Variants in MROH6 observed in about 807,000 individuals in gnomAD.
MROH6 encodes maestro heat-like repeat-containing protein family member 6.
Under a neutral mutation model 67.7 loss-of-function variants are expected in MROH6, and 62 were observed. The ratio of observed to expected loss-of-function variants is 0.92; its 90% CI spans 0.75 to 1.13. The LOEUF is 1.13. Ranked by LOEUF, MROH6 falls within the 50% of genes most tolerant of loss-of-function variation. The pLI is 0.00. For missense variants in MROH6, 1,175 were observed against 1,029.1 expected (o/e 1.14, Z -1.94); for synonymous variants, 566 against 470.8 (o/e 1.20, Z -2.62).
chr8:143,568,786 C>G lies in MROH6; in HGVS notation c.1477-67G>C, dbSNP rs1823796543. The G allele has an allele frequency of 2.4e-6, 3 of 1,249,628 alleles. No homozygotes were observed. In the Admixed American group the frequency reaches 8.8e-5, roughly 37 times the overall value. The allele number at this position is 1,249,628 out of a possible 1,614,324, so 77.4% of individuals were successfully genotyped here. ...GGGCTGCAAGGGTGGGAGGGGGCGG[C>G]CAGCGCGGAGCGAGGAAGCGGCGGG... On this transcript the variant is annotated intron_variant, in intron 9 of 13. Transcript: ENST00000398882.
At chr8:143,569,658 C>T (rs1269595362) in intron 8 of MROH6, 39 bp downstream of exon 8, 6 of 1,599,020 alleles carry the variant, frequency 3.8e-6, no homozygotes, top group Non-Finnish European at 5.1e-6. Flanking sequence ...TCGCCGCGAC[C>T]GGGCCAAGCC....
chr8:143,569,566 C>T lies in MROH6; in HGVS notation c.1351G>A (p.Glu451Lys), dbSNP rs1050408517. Reference sequence around the variant, plus strand: ...GCACCCACGAGCCGCGCGTCGCCTTCGCCCAGTGCGCCCAGGAGCGCCGGC... The same window carrying T: ...GCACCCACGAGCCGCGCGTCGCCTTTGCCCAGTGCGCCCAGGAGCGCCGGC... ...LLPALLGALG[E>K]GDARLVGAAL... The change falls in exon 9 of 14, where the codon GAA becomes AAA. Residue 451 changes from glutamate to lysine, a missense_variant. Transcript: ENST00000398882. The T allele has an allele frequency of 5.2e-6, 8 of 1,550,924 alleles. No homozygotes were observed. Among genetic ancestry groups the T allele is most frequent in the African/African-American group, 1.4e-5 (1 of 73,312 alleles).
At chr8:143,569,297 G>T in intron 9 of MROH6, 144 bp downstream of exon 9, 1 of 499,222 alleles carries the variant, frequency 2.0e-6, no homozygotes, top group Non-Finnish European at 3.3e-6. Flanking sequence ...GGCCTGGGAG[G>T]GAGAGACTGG....
rs1823748392 is a variant in MROH6 at position 143,568,232 on chromosome 8, G to A, written c.1674C>T (p.Asp558=). The A allele has an allele frequency of 6.2e-7, 1 of 1,610,610 alleles. No homozygotes were observed. The change falls in exon 11 of 14, where the codon GAC becomes GAT. Residue 558 remains aspartate (D), a synonymous_variant. Transcript: ENST00000398882. The part of the protein sequence containing the change: ...ESSEWTLARC[D]HAFCWGLLEE... Reference sequence around the variant, plus strand: ...CCAGCAGGCCCCAGCAAAAGGCGTGGTCACAGCGGGCCAGGGTCCACTCTG... The same window carrying A: ...CCAGCAGGCCCCAGCAAAAGGCGTGATCACAGCGGGCCAGGGTCCACTCTG...
At position 143,572,536 on chromosome 8, in the gene MROH6, G is replaced by A; in HGVS notation, c.179C>T (p.Ala60Val). ...CTCTGCCTCAGAGGGGGCGGTGAGT[G>A]CCTGGGTCTGTGGCTCAGCCTCAGG... ...VKPEAEPQTQALTAPSEAEPG... is the reference protein window; with the variant it reads ...VKPEAEPQTQVLTAPSEAEPG... Residue 60 changes from alanine (A) to valine (V), a missense_variant, in exon 1 of 14, where the codon GCA (alanine) becomes GTA (valine). Physicochemically the swap from Ala to Val is moderately conservative, Grantham distance 64. Coordinates refer to ENST00000398882, the MANE Select transcript of MROH6 (RefSeq NM_001100878.2). The A allele has an allele frequency of 6.2e-7, 1 of 1,606,474 alleles. No homozygotes were observed. The highest frequency in any genetic ancestry group is 1.1e-5 in the South Asian group (1 of 90,078).
Position 143,569,963 on chromosome 8 carries a change from G to A in MROH6, c.1146C>T (p.Ala382=). ...GAAGCAGGCTCACCCCTGTGAAGAA[G>A]GCCATAGCCGTGAGACGCTGCGGGT... ...ADDPQRLTAM[A]FFTGLLQSRP... is the part of the protein sequence containing the mutation. Residue 382 remains alanine, a synonymous_variant, in exon 7 of 14, where the codon GCC becomes GCT. Coordinates refer to ENST00000398882, the MANE Select transcript of MROH6 (RefSeq NM_001100878.2). The A allele has an allele frequency of 2.5e-6, 4 of 1,613,068 alleles. No individual in the cohort carries two copies. Among genetic ancestry groups the A allele is most frequent in the Non-Finnish European group, 3.4e-6 (4 of 1,179,812 alleles).
rs1823857008 is a variant in MROH6, at chr8:143,569,404, G to A, written c.1476+37C>T. The A allele has an allele frequency of 2.2e-6, 3 of 1,380,594 alleles. 1 individual carries two copies. The highest frequency in any genetic ancestry group is 2.8e-6 in the Non-Finnish European group (3 of 1,074,488). The allele number at this position is 1,380,594 out of a possible 1,614,324, so 85.5% of individuals were successfully genotyped here. On this transcript the variant is annotated intron_variant, in intron 9 of 13. Coordinates refer to ENST00000398882, the MANE Select transcript of MROH6 (RefSeq NM_001100878.2). ...CTGGAAGGGCGGGGGCGGTGACAGCGGCAGGGGCGGGACCCGGAGGCGGGG... is the reference window on the plus strand; with the variant it reads ...CTGGAAGGGCGGGGGCGGTGACAGCAGCAGGGGCGGGACCCGGAGGCGGGG...
intron 1 of MROH6, 109 bp downstream of exon 1, chr8:143,572,312 C>T (rs1413473147): frequency 2.8e-5 from 42 of 1,502,324 alleles, no homozygotes; most frequent in Non-Finnish European, 3.5e-5. Context: ...GCCTGTTTCA[C>T]GCTGACCTCC....
intron 13 of MROH6, 44 bp from the exon 14 acceptor site, chr8:143,567,509 G>T: frequency 6.9e-7 from 1 of 1,443,202 alleles, no homozygotes; most frequent in Non-Finnish European, 9.2e-7. Context: ...CAGGAGGGCC[G>T]AGTGCCCGGG....
At chr8:143,571,612 C>T (rs756250713) in intron 3 of MROH6, 55 bp downstream of exon 3, 25 of 1,544,572 alleles carry the variant, frequency 1.6e-5, no homozygotes, top group Middle Eastern at 3.4e-4. Context: ...CACCGCCAAG[C>T]GGGAAGAGGG....
At position 143,568,635 on chromosome 8, in the gene MROH6, G is replaced by C; in HGVS notation, c.1561C>G (p.Arg521Gly). 6.5e-7 allele frequency: 1 copy of C among 1,537,158 alleles called. No individual in the cohort carries two copies. Among genetic ancestry groups the C allele is most frequent in the Non-Finnish European group, 8.7e-7 (1 of 1,147,308 alleles). ...AGCACCAGCTTCCGCAGGGGGCCGC[G>C]GAGCCCCAGCCGGAGCCCGCCCCGG... ...RGRGGLRLGL[R>G]GPLRKLVLQS... The change falls in exon 10 of 14, where the codon CGC (arginine) becomes GGC (glycine). Residue 521 changes from arginine to glycine, a missense_variant. Arg to Gly is a moderately radical substitution (Grantham distance 125). Transcript: ENST00000398882.
At position 143,571,104 on chromosome 8, in the gene MROH6, G is replaced by A. The variant is rs563697849; in HGVS notation, c.603-110C>T. Reference sequence around the variant, plus strand: ...AGCCAGTAGGACTCCAGCAGGGGAGGGGCAGGAAACCCCTCCCATCTCCCC... The same window carrying A: ...AGCCAGTAGGACTCCAGCAGGGGAGAGGCAGGAAACCCCTCCCATCTCCCC... On this transcript the variant is annotated intron_variant, in intron 3 of 13. Transcript: ENST00000398882. 6.2e-4 allele frequency: 506 copies of A among 817,762 alleles called. 4 individuals are homozygous for A. The African/African-American group carries it at 7.3e-3, about 12-fold the overall frequency. 50.7% of individuals were successfully genotyped at this position (817,762 alleles called of 1,614,324 possible).
At chr8:143,571,079 A>G in intron 3 of MROH6, 85 bp from the exon 4 acceptor site, 2 of 1,091,946 alleles carry the variant, frequency 1.8e-6, no homozygotes, top group South Asian at 2.8e-5. Flanking sequence ...GGGTGGAGGC[A>G]GCCAGTAGGA....
rs1164426581 is a variant in MROH6 at position 143,566,984 on chromosome 8, A to G, written c.*255T>C. On this transcript the variant is annotated 3_prime_UTR_variant, in exon 14 of 14. Coordinates refer to ENST00000398882, the MANE Select transcript of MROH6 (RefSeq NM_001100878.2). Reference sequence around the variant, plus strand: ...CCATCTGGGCCAGGAGCCAGGCCCAAGGTTGGGGCATGGGGCATGCTCCAG... The same window carrying G: ...CCATCTGGGCCAGGAGCCAGGCCCAGGGTTGGGGCATGGGGCATGCTCCAG... 10 of 317,856 alleles carry G rather than the reference A, an allele frequency of 3.1e-5. No individual in the cohort carries two copies. 19.7% of individuals were successfully genotyped at this position (317,856 alleles called of 1,614,324 possible).
chr8:143,570,983 T>G lies in MROH6; in HGVS notation c.614A>C (p.Glu205Ala). The G allele has an allele frequency of 6.5e-7, 1 of 1,548,838 alleles. No homozygotes were observed. The highest frequency in any genetic ancestry group is 1.2e-5 in the South Asian group (1 of 83,986). Residue 205 changes from glutamate to alanine, a missense_variant, in exon 4 of 14, where the codon GAG (glutamate) becomes GCG (alanine). Physicochemically the swap from Glu to Ala is moderately radical, Grantham distance 107. Coordinates refer to ENST00000398882, the MANE Select transcript of MROH6 (RefSeq NM_001100878.2). ...RSLPADRVAAELWRSLSRNQR... is the reference protein window; with the variant it reads ...RSLPADRVAAALWRSLSRNQR... Reference sequence around the variant, plus strand: ...GTTACGGCTTAGGCTGCGCCAGAGCTCGGCTGCTACCCTGAGGGTTTGGAG... The same window carrying G: ...GTTACGGCTTAGGCTGCGCCAGAGCGCGGCTGCTACCCTGAGGGTTTGGAG...
Position 143,570,247 on chromosome 8 carries a change from CCAG to C in MROH6, c.1036_1038del (p.Leu346del), listed in dbSNP as rs1183585828. 6.3e-7 allele frequency: 1 copy of C among 1,582,780 alleles called. No homozygotes were observed. Among genetic ancestry groups the C allele is most frequent in the Non-Finnish European group, 8.6e-7 (1 of 1,166,362 alleles). ...GCCCCTCCTCACCCTCCTCACCTGG[CCAG>C]CAGCAGGACGCCCTCCAGGTGGGTG... On this transcript the variant is annotated inframe_deletion, in exon 6 of 14. Coordinates refer to ENST00000398882, the MANE Select transcript of MROH6 (RefSeq NM_001100878.2).
At position 143,572,437 on chromosome 8, in the gene MROH6, G is replaced by C; in HGVS notation, c.278C>G (p.Pro93Arg). 1 of 1,585,582 alleles carries C rather than the reference G, an allele frequency of 6.3e-7. No individual in the cohort carries two copies. Among genetic ancestry groups the C allele is most frequent in the Non-Finnish European group, 8.6e-7 (1 of 1,168,954 alleles). The change falls in exon 1 of 14, where the codon CCT becomes CGT. Residue 93 changes from proline (P) to arginine (R), a missense_variant. Pro to Arg is a moderately radical substitution (Grantham distance 103). Transcript: ENST00000398882. ...CCCCGTCACCTGGTGGGGCCCCTCAGGGGCTGGTTCCAGGGCACTGTTGAG... is the reference window on the plus strand; with the variant it reads ...CCCCGTCACCTGGTGGGGCCCCTCACGGGCTGGTTCCAGGGCACTGTTGAG... ...CSLNSALEPA[P>R]EGPHQVPQSS...
chr8:143,572,627 C>T lies in MROH6; in HGVS notation c.88G>A (p.Ala30Thr), dbSNP rs201659453. The T allele has an allele frequency of 3.6e-4, 565 of 1,587,136 alleles. 5 individuals are homozygous for T. In the African/African-American group the frequency reaches 6.9e-3, roughly 19 times the overall value. The change falls in exon 1 of 14, where the codon GCC (alanine) becomes ACC (threonine). Residue 30 changes from alanine (A) to threonine (T), a missense_variant. By Grantham distance (58) the Ala-to-Thr change is moderately conservative (BLOSUM62 0). Transcript: ENST00000398882. ...GGTCCCTGGGGCTGCCCCTGCCTGG[C>T]CCGGATTCCTTCAGTCAGTGCTGTC... ...TLTALTEGIR[A>T]RQGQPQGPPS...
intron 7 of MROH6, 53 bp downstream of exon 7, chr8:143,569,898 C>T: frequency 1.9e-6 from 3 of 1,610,588 alleles, no homozygotes; most frequent in Non-Finnish European, 2.5e-6. Context: ...CGCTGCGATT[C>T]AGGGATCAAG....
Sources: allele counts gnomAD v4.1 joint callset, GRCh38; gene constraint gnomAD v4.1.1; transcripts MANE v1.5; gene names NCBI Gene and HGNC (gene_info 2026-07-23, HGNC 2026-07-21).